The following CTIF variants were observed in gnomAD, a reference collection of about 807,000 sequenced individuals.
The protein encoded by CTIF is CBP80/20-dependent translation initiation factor.
In CTIF, 21 loss-of-function variants were observed where a neutral mutation model predicts 66.0. That is an observed-to-expected ratio of 0.32 (90% confidence interval 0.23 to 0.46). CTIF has a LOEUF of 0.46. Among genes scored for constraint, CTIF ranks in the 20% least tolerant of loss-of-function variants. The probability of loss-of-function intolerance (pLI) is 1.00; values close to 1 mark genes in which losing one functional copy is unlikely to be tolerated. For missense variants in CTIF, 739 were observed against 812.7 expected (o/e 0.91, Z 1.10); for synonymous variants, 345 against 326.4 (o/e 1.06, Z -0.62).
chr18:48,574,512 G>T (rs1257370031), intron 1 of CTIF, among the ~76,000 whole-genome samples: 1 of 152,208 alleles, frequency 6.6e-6, no homozygotes, highest in Non-Finnish European at 1.5e-5. Context: ...GCTGGGAAAA[G>T]GTCAGGGCAT....
At position 48,636,599 on chromosome 18, in the gene CTIF, CT is replaced by C; in HGVS notation, c.181-12del. On this transcript the variant is annotated splice_polypyrimidine_tract_variant and intron_variant, in intron 2 of 11. Transcript: ENST00000256413. ...GCTGTCCTGCCGTCACTGATCGCTC[CT>C]TTCTGTTCTGCAGTGGACAGCGGAC... 1 of 1,524,358 alleles carries C rather than the reference CT, an allele frequency of 6.6e-7. No homozygotes were observed. Among genetic ancestry groups the C allele is most frequent in the Non-Finnish European group, 8.8e-7 (1 of 1,136,960 alleles). 94.4% of individuals were successfully genotyped at this position (1,524,358 alleles called of 1,614,324 possible).
intron 6 of CTIF, among the ~76,000 whole-genome samples, chr18:48,702,911 GAA>G (rs111452633): frequency 1.4e-5 from 2 of 145,162 alleles, no homozygotes. Context: ...TAACTTCTTA[GAA>G]AAAAAAAAAC....
Position 48,638,976 on chromosome 18 carries a change from G to A in CTIF, c.252+2291G>A, listed in dbSNP as rs2090876833. On this transcript the variant is annotated intron_variant, in intron 3 of 11. Transcript: ENST00000256413. ...GGCATTCCCATCACCCCTGACCTGC[G>A]GTGGCCGACTGATCATCTCAGAGGG... Among the ~76,000 whole-genome samples, 4 of 152,150 alleles carry A rather than the reference G, an allele frequency of 2.6e-5. No homozygotes were observed. In the South Asian group the frequency reaches 8.3e-4, roughly 31 times the overall value.
chr18:48,751,455 T>C (rs1435250223), intron 7 of CTIF, among the ~76,000 whole-genome samples: 1 of 152,210 alleles, frequency 6.6e-6, no homozygotes, highest in Non-Finnish European at 1.5e-5. Context: ...GACCCTCAGC[T>C]TCATGAAGGC....
intron 7 of CTIF, among the ~76,000 whole-genome samples, chr18:48,727,980 A>G (rs1224824420): frequency 1.3e-5 from 2 of 152,096 alleles, no homozygotes; most frequent in Admixed American, 1.3e-4. Context: ...CCCTTCTTTT[A>G]ACTTGTCTCT....
At chr18:48,837,425 AGAG>A (rs1435411122) in intron 10 of CTIF, among the ~76,000 whole-genome samples, 1 of 151,884 alleles carries the variant, frequency 6.6e-6, no homozygotes, top group East Asian at 1.9e-4. Flanking sequence ...GCAGGAACTC[AGAG>A]GAGGAGGAGT....
intron 6 of CTIF, among the ~76,000 whole-genome samples, chr18:48,688,907 G>A (rs1598874294): frequency 6.6e-6 from 1 of 152,214 alleles, no homozygotes; most frequent in Admixed American, 6.5e-5. Flanking sequence ...GACAATCAGA[G>A]CTGCCTCTCT....
In CTIF at chr18:48,859,300, C is replaced by T. The variant is rs28541524; in HGVS notation, c.1582-44C>T. 27,448 of 1,575,464 alleles carry T rather than the reference C, an allele frequency of 0.017. 4,071 individuals are homozygous for T. In the African/African-American group the frequency reaches 0.33, roughly 19 times the overall value. On this transcript the variant is annotated intron_variant, in intron 11 of 11. Coordinates refer to ENST00000256413, the MANE Select transcript of CTIF (RefSeq NM_014772.3). The stretch of plus-strand genomic sequence containing the variant: ...CCTAATCAGGGTGGCCAGTGGGCCA[C>T]TGTGGGACCCGAGGCCATCCTAACC...
intron 5 of CTIF, among the ~76,000 whole-genome samples, chr18:48,667,464 T>C (rs956522732): frequency 1.3e-5 from 2 of 152,108 alleles, no homozygotes; most frequent in African/African-American, 4.8e-5. Flanking sequence ...GTGACGTCAG[T>C]GGGGACACTG....
chr18:48,596,144 T>C (rs1002101891), intron 1 of CTIF, among the ~76,000 whole-genome samples: 28 of 152,150 alleles, frequency 1.8e-4, no homozygotes, highest in African/African-American at 6.5e-4. Context: ...TTCAACACCA[T>C]CTTAGAAAGC....
chr18:48,664,036 A>G (rs1001103359), intron 4 of CTIF, among the ~76,000 whole-genome samples: 3 of 152,158 alleles, frequency 2.0e-5, no homozygotes, highest in Non-Finnish European at 4.4e-5. Flanking sequence ...GGCCCCCGGG[A>G]TGGGGCTGCA....
At chr18:48,749,702 G>A (rs570812294) in intron 7 of CTIF, among the ~76,000 whole-genome samples, 1 of 152,252 alleles carries the variant, frequency 6.6e-6, no homozygotes, top group Non-Finnish European at 1.5e-5. Context: ...TATAGGGGAA[G>A]AAGCTAAGGC....
chr18:48,582,461 T>A (rs1223345744), intron 1 of CTIF, among the ~76,000 whole-genome samples: 1 of 152,132 alleles, frequency 6.6e-6, no homozygotes, highest in Admixed American at 6.5e-5. Context: ...GGGGGCCTCA[T>A]GCACATGAGG....
At chr18:48,705,609 G>A (rs911257238) in intron 6 of CTIF, among the ~76,000 whole-genome samples, 25 of 152,148 alleles carry the variant, frequency 1.6e-4, no homozygotes, top group Middle Eastern at 3.2e-3. Context: ...ATCACACCAG[G>A]ACTTTACAGA....
chr18:48,808,212 C>A (rs952128826), intron 9 of CTIF, among the ~76,000 whole-genome samples: 1 of 152,164 alleles, frequency 6.6e-6, no homozygotes, highest in Non-Finnish European at 1.5e-5. Flanking sequence ...CATTCAATTA[C>A]TACTGATATT....
chr18:48,850,403 A>C (rs1357083420), intron 10 of CTIF, among the ~76,000 whole-genome samples: 1 of 152,166 alleles, frequency 6.6e-6, no homozygotes, highest in Non-Finnish European at 1.5e-5. Context: ...TCTCCTGGCG[A>C]TCCCAAATAG....
chr18:48,637,221 G>A (rs2090839854), intron 3 of CTIF, among the ~76,000 whole-genome samples: 1 of 152,222 alleles, frequency 6.6e-6, no homozygotes, highest in Non-Finnish European at 1.5e-5. Flanking sequence ...GCCAGAGCCT[G>A]CCACCTTTCT....
intron 9 of CTIF, among the ~76,000 whole-genome samples, chr18:48,797,640 G>A (rs901964188): frequency 1.3e-5 from 2 of 151,722 alleles, no homozygotes; most frequent in East Asian, 3.9e-4. Context: ...GCTGACCTCA[G>A]GCACTGTGGT....
chr18:48,542,408 TCAGA>T (rs2088642732), intron 1 of CTIF, among the ~76,000 whole-genome samples: 1 of 152,266 alleles, frequency 6.6e-6, no homozygotes, highest in Non-Finnish European at 1.5e-5. Flanking sequence ...GTGAAGGCTG[TCAGA>T]CAGCCTGGAG....
Sources: gnomAD v4.1 joint callset for allele counts (sites outside exome capture counted in the v4.1 genomes callset) on GRCh38, gnomAD v4.1.1 for gene constraint, MANE v1.5 for transcripts, NCBI Gene and HGNC (gene_info 2026-07-23, HGNC 2026-07-21) for gene names.